ZDHHC11: variants seen among roughly 807,000 people sequenced by gnomAD.
ZDHHC11 encodes palmitoyltransferase ZDHHC11.
In ZDHHC11, 44 loss-of-function variants were observed where a neutral mutation model predicts 51.3. The ratio of observed to expected loss-of-function variants is 0.86; its 90% CI spans 0.67 to 1.10. ZDHHC11 has a LOEUF of 1.10. Among genes scored for constraint, ZDHHC11 ranks in the 50% least tolerant of loss-of-function variants. The probability of loss-of-function intolerance (pLI) is 0.00; values close to 1 mark genes in which losing one functional copy is unlikely to be tolerated. For missense variants in ZDHHC11, 400 were observed against 537.7 expected (o/e 0.74, Z 2.53); for synonymous variants, 163 against 222.0 (o/e 0.73, Z 2.36).
At position 813,775 on chromosome 5, in the gene ZDHHC11, C is replaced by A. The variant is rs1287138572; in HGVS notation, c.1181+986G>T. Among the ~76,000 whole-genome samples, 141 of 146,336 alleles carry A rather than the reference C, an allele frequency of 9.6e-4. No individual in the cohort carries two copies. The East Asian group carries it at 0.027, about 29-fold the overall frequency. ...CCCCTGTGGGGCCGGCTGGGACTCC[C>A]TGCAGTGATGGGAGGAATATGGCAG... On this transcript the variant is annotated intron_variant, in intron 11 of 12. Transcript: ENST00000283441.
chr5:847,343 C>T (rs1316637465), intron 3 of ZDHHC11, among the ~76,000 whole-genome samples, 171 bp downstream of exon 3: 1 of 151,752 alleles, frequency 6.6e-6, no homozygotes, highest in Non-Finnish European at 1.5e-5. Flanking sequence ...AGCCCCAGAG[C>T]CAGACAGGAG....
rs1418746753 is a variant in ZDHHC11 at position 806,811 on chromosome 5, C to A, written c.1182-5647G>T. Among the ~76,000 whole-genome samples the A allele has an allele frequency of 5.3e-5, 8 of 151,298 alleles. 1 individual carries two copies. The highest frequency in any genetic ancestry group is 1.2e-4 in the Non-Finnish European group (8 of 67,684). On this transcript the variant is annotated intron_variant, in intron 11 of 12. Transcript: ENST00000283441. ...ATGAGGGAAATACTGAAGAAGGCCA[C>A]AATAAGCCACCAGTTCACACTACTC...
intron 1 of ZDHHC11, among the ~76,000 whole-genome samples, chr5:856,573 CACCACACAA>C (rs928929022): frequency 5.3e-5 from 8 of 151,472 alleles, no homozygotes; most frequent in African/African-American, 1.5e-4. Flanking sequence ...ATGCACCACA[CACCACACAA>C]ACCACACGCA....
chr5:824,959 G>C lies in ZDHHC11; in HGVS notation c.1023+205C>G, dbSNP rs10063726. Reference sequence around the variant, plus strand: ...CCCACTTTGGTACCCATCTGTCTCTGTCACCCACAGCTGGGAAGCATTCCT... The same window carrying C: ...CCCACTTTGGTACCCATCTGTCTCTCTCACCCACAGCTGGGAAGCATTCCT... On this transcript the variant is annotated intron_variant, in intron 8 of 12. Coordinates refer to ENST00000283441, the MANE Select transcript of ZDHHC11 (RefSeq NM_024786.3). Among the ~76,000 whole-genome samples the C allele has an allele frequency of 0.037, 5,576 of 151,016 alleles. 183 individuals are homozygous for C. Among genetic ancestry groups the C allele is most frequent in the African/African-American group, 0.13 (5,141 of 40,846 alleles).
chr5:835,889 G>A (rs1447965310), intron 6 of ZDHHC11, among the ~76,000 whole-genome samples: 1 of 151,536 alleles, frequency 6.6e-6, no homozygotes, highest in Non-Finnish European at 1.5e-5. Flanking sequence ...TTTCATTGCT[G>A]GTGGATAGAG....
In ZDHHC11 at chr5:805,560, T is replaced by G. The variant is rs1014615420; in HGVS notation, c.1182-4396A>C. On this transcript the variant is annotated intron_variant, in intron 11 of 12. Coordinates refer to ENST00000283441, the MANE Select transcript of ZDHHC11 (RefSeq NM_024786.3). ...AAAGGAAAGAACAAAGGGATCAAAA[T>G]GGAACATTACAAACATTCAACTAAA... 2.1e-5 allele frequency among the ~76,000 whole-genome samples: 3 copies of G among 139,558 alleles called. 1 individual carries two copies. The highest frequency in any genetic ancestry group is 9.1e-5 in the African/African-American group (3 of 32,798). 91.6% of individuals were successfully genotyped at this position (139,558 alleles called of 152,430 possible).
exon 1 of ZDHHC11, among the ~76,000 whole-genome samples, chr5:858,892 C>T (rs1171580104): frequency 6.6e-6 from 1 of 152,032 alleles, no homozygotes; most frequent in Non-Finnish European, 1.5e-5. Context: ...CCCACAGTTC[C>T]TTCTCACGCC....
Position 849,234 on chromosome 5 carries a change from T to A in ZDHHC11, c.223-574A>T, listed in dbSNP as rs1334313709. On this transcript the variant is annotated intron_variant, in intron 1 of 12. Transcript: ENST00000283441. ...CTGCCCCCGTGCCCCTTTTGGTTCATCCCTGTTGGACACAGGGCAAATCCC... is the reference window on the plus strand; with the variant it reads ...CTGCCCCCGTGCCCCTTTTGGTTCAACCCTGTTGGACACAGGGCAAATCCC... Among the ~76,000 whole-genome samples, 4 of 152,060 alleles carry A rather than the reference T, an allele frequency of 2.6e-5. No individual in the cohort carries two copies. In the South Asian group the frequency reaches 6.2e-4, roughly 24 times the overall value.
At chr5:829,406 T>C (rs1245943556) in intron 7 of ZDHHC11, among the ~76,000 whole-genome samples, 5 of 152,074 alleles carry the variant, frequency 3.3e-5, no homozygotes, top group African/African-American at 7.2e-5. Context: ...CCAGAGGAGA[T>C]GGATAACTTC....
chr5:810,486 C>T (rs1024406723), intron 11 of ZDHHC11, among the ~76,000 whole-genome samples: 1 of 151,290 alleles, frequency 6.6e-6, no homozygotes, highest in African/African-American at 2.4e-5. Flanking sequence ...CAAAATAGAC[C>T]TGTGATTAGC....
chr5:800,919 C>T (rs1484802970), intron 12 of ZDHHC11, among the ~76,000 whole-genome samples, 181 bp downstream of exon 12: 1 of 151,280 alleles, frequency 6.6e-6, no homozygotes, highest in Non-Finnish European at 1.5e-5. Flanking sequence ...GGCTGCCATG[C>T]ACTACTTCTA....
chr5:840,693 C>A (rs547391959), intron 4 of ZDHHC11, 43 bp from the exon 5 acceptor site: 27 of 1,610,778 alleles, frequency 1.7e-5, no homozygotes, highest in Middle Eastern at 1.6e-4. Context: ...CACCTGCTGA[C>A]GGGTGCCACA....
chr5:827,829 T>C (rs1579659332), intron 7 of ZDHHC11, among the ~76,000 whole-genome samples: 1 of 150,288 alleles, frequency 6.7e-6, no homozygotes, highest in South Asian at 2.1e-4. Context: ...GGAGGGAAGG[T>C]CAACAGAAAA....
intron 9 of ZDHHC11, chr5:821,200 G>A (rs1452806844): frequency 2.6e-5 from 4 of 151,514 alleles, no homozygotes. Flanking sequence ...AGAAGGAAGA[G>A]GGCCAGGGGT....
chr5:817,059 T>G (rs4291058), intron 10 of ZDHHC11: 57,226 of 181,620 alleles, frequency 0.32, 14,982 homozygotes, highest in African/African-American at 0.76. Flanking sequence ...GAGATAAAAA[T>G]AACTTAAAAT....
At position 840,115 on chromosome 5, in the gene ZDHHC11, G is replaced by A. The variant is rs1744541835; in HGVS notation, c.784+380C>T. On this transcript the variant is annotated intron_variant, in intron 5 of 12. Transcript: ENST00000283441. ...TATTTCATTGTTAGAATTTCTACTT[G>A]TGTTTTTGGAAGTCCACCTGTCCTT... 17 of 611,282 alleles carry A rather than the reference G, an allele frequency of 2.8e-5. No individual in the cohort carries two copies. The South Asian group carries it at 2.9e-4, about 11-fold the overall frequency. 37.9% of individuals were successfully genotyped at this position (611,282 alleles called of 1,614,324 possible). A position where few individuals can be genotyped will look rare whatever the true frequency, so the allele number is the denominator to read the frequency against.
upstream of ZDHHC11, among the ~76,000 whole-genome samples, chr5:853,999 A>G (rs1341071321): frequency 6.7e-6 from 1 of 149,892 alleles, no homozygotes; most frequent in African/African-American, 2.5e-5. Flanking sequence ...CTGGGGGCAC[A>G]GATCCCATGG....
At position 801,201 on chromosome 5, in the gene ZDHHC11, C is replaced by T. The variant is rs1304180215; in HGVS notation, c.1182-37G>A. 1.0e-5 allele frequency: 16 copies of T among 1,606,596 alleles called. 1 individual carries two copies. The highest frequency in any genetic ancestry group is 5.0e-5 in the Admixed American group (3 of 59,846). On this transcript the variant is annotated intron_variant, in intron 11 of 12. Coordinates refer to ENST00000283441, the MANE Select transcript of ZDHHC11 (RefSeq NM_024786.3). ...ATTCAGAAAGAGAAACAACAGAGAA[C>T]GTATGATGTAATACTTGTTATAATG...
intron 12 of ZDHHC11, among the ~76,000 whole-genome samples, chr5:797,513 C>A (rs1218342628): frequency 5.3e-5 from 8 of 151,122 alleles, no homozygotes; most frequent in Non-Finnish European, 1.0e-4. Flanking sequence ...TCAGTAATTT[C>A]TTCAGCTCTA....
Sources: allele counts gnomAD v4.1 joint callset (sites outside exome capture counted in the v4.1 genomes callset), GRCh38; gene constraint gnomAD v4.1.1; transcripts MANE v1.5; gene names NCBI Gene and HGNC (gene_info 2026-07-23, HGNC 2026-07-21).